PACRG: variants seen among roughly 807,000 people sequenced by gnomAD.
PACRG encodes parkin coregulated gene protein.
A neutral mutation model predicts 29.7 loss-of-function variants in PACRG; 29 were observed. The observed-to-expected ratio is 0.98, with a 90% CI of 0.73 to 1.33. The LOEUF (loss-of-function observed/expected upper bound fraction) is 1.33. PACRG is among the 40% of genes most tolerant of loss of function. The pLI, the probability that PACRG is intolerant of heterozygous loss-of-function variation, is 0.00. For missense variants in PACRG, 279 were observed against 316.2 expected (o/e 0.88, Z 0.89); for synonymous variants, 116 against 118.7 (o/e 0.98, Z 0.15).
chr6:163,056,741 C>T (rs528316605), intron 2 of PACRG, among the ~76,000 whole-genome samples: 1 of 152,226 alleles, frequency 6.6e-6, no homozygotes, highest in African/African-American at 2.4e-5. Context: ...GAGGCATTCC[C>T]GGAACTGAGG....
chr6:162,968,392 G>T (rs1801229459), intron 2 of PACRG, among the ~76,000 whole-genome samples: 1 of 152,172 alleles, frequency 6.6e-6, no homozygotes, highest in Non-Finnish European at 1.5e-5. Flanking sequence ...AAAAAAATCT[G>T]TATCTGTCTT....
At chr6:162,917,778 C>CCT (rs1161021436) in intron 2 of PACRG, among the ~76,000 whole-genome samples, 3 of 152,010 alleles carry the variant, frequency 2.0e-5, no homozygotes, top group Non-Finnish European at 4.4e-5. Flanking sequence ...TTTGGCCTAA[C>CCT]CTCTCTCTCT....
chr6:162,930,113 A>G (rs913363157), intron 2 of PACRG, among the ~76,000 whole-genome samples: 1 of 151,956 alleles, frequency 6.6e-6, no homozygotes, highest in African/African-American at 2.4e-5. Flanking sequence ...AGGATTTAAA[A>G]AAATATATAT....
At chr6:162,923,489 T>C (rs1797211307) in intron 2 of PACRG, among the ~76,000 whole-genome samples, 1 of 152,120 alleles carries the variant, frequency 6.6e-6, no homozygotes, top group Non-Finnish European at 1.5e-5. Context: ...ATAGTTTCAG[T>C]TTTTACATTT....
chr6:163,153,681 A>T (rs1199074799), intron 4 of PACRG, among the ~76,000 whole-genome samples: 1 of 152,254 alleles, frequency 6.6e-6, no homozygotes, highest in African/African-American at 2.4e-5. Flanking sequence ...ATCAATGCAA[A>T]GTAGTGTCTT....
intron 2 of PACRG, among the ~76,000 whole-genome samples, chr6:162,829,697 T>C (rs1788582768): frequency 6.6e-6 from 1 of 152,144 alleles, no homozygotes; most frequent in African/African-American, 2.4e-5. Flanking sequence ...ATATGTTGCC[T>C]TTTCTCTTCA....
At chr6:163,179,875 A>G (rs895424005) in intron 4 of PACRG, among the ~76,000 whole-genome samples, 32 of 152,170 alleles carry the variant, frequency 2.1e-4, no homozygotes, top group African/African-American at 7.5e-4. Flanking sequence ...CTCGCAGACC[A>G]GACCAGCAAG....
At position 163,282,937 on chromosome 6, in the gene PACRG, G is replaced by T. The variant is rs150083919; in HGVS notation, c.614-31890G>T. On this transcript the variant is annotated intron_variant, in intron 4 of 4. Coordinates refer to ENST00000366888, the MANE Select transcript of PACRG (RefSeq NM_001080379.2). ...CATTGCTACAATGACCTGCCACTGG[G>T]GCAAATTTTGTGTAAACATGTAAAT... Among the ~76,000 whole-genome samples the T allele has an allele frequency of 1.9e-3, 288 of 152,200 alleles. 1 individual carries two copies. Among genetic ancestry groups the T allele is most frequent in the African/African-American group, 6.7e-3 (279 of 41,532 alleles).
At chr6:162,836,038 T>C (rs955757159) in intron 2 of PACRG, among the ~76,000 whole-genome samples, 3 of 152,200 alleles carry the variant, frequency 2.0e-5, no homozygotes, top group Non-Finnish European at 4.4e-5. Flanking sequence ...TATTAAATAC[T>C]TTCCTGTCCT....
At chr6:162,949,334 A>G (rs1262568124) in intron 2 of PACRG, among the ~76,000 whole-genome samples, 4 of 152,204 alleles carry the variant, frequency 2.6e-5, no homozygotes, top group African/African-American at 9.6e-5. Context: ...GTAGAATTAT[A>G]GATACCAGAG....
At chr6:162,784,734 A>G (rs186644880) in intron 1 of PACRG, among the ~76,000 whole-genome samples, 74 of 152,274 alleles carry the variant, frequency 4.9e-4, no homozygotes, top group African/African-American at 1.8e-3. Context: ...GTCAACTGTG[A>G]CAATTCGGAA....
At chr6:163,217,592 G>T (rs568934286) in intron 4 of PACRG, among the ~76,000 whole-genome samples, 1 of 152,326 alleles carries the variant, frequency 6.6e-6, no homozygotes, top group East Asian at 1.9e-4. Flanking sequence ...GGAAGCAGCT[G>T]CACAGCAGGA....
chr6:163,006,749 T>G (rs1805156830), intron 2 of PACRG, among the ~76,000 whole-genome samples: 1 of 152,034 alleles, frequency 6.6e-6, no homozygotes, highest in Non-Finnish European at 1.5e-5. Flanking sequence ...TGACATTAAT[T>G]TAGCCATTCC....
chr6:163,019,824 AT>A (rs1370591642), intron 2 of PACRG, among the ~76,000 whole-genome samples: 3 of 152,206 alleles, frequency 2.0e-5, no homozygotes, highest in Non-Finnish European at 4.4e-5. Flanking sequence ...ATTTGGAGAG[AT>A]TAAAAAGCAA....
chr6:162,775,896 A>G (rs1783604175), intron 1 of PACRG, among the ~76,000 whole-genome samples: 1 of 152,212 alleles, frequency 6.6e-6, no homozygotes, highest in South Asian at 2.1e-4. Context: ...TAGGGCTTAT[A>G]TAAAGTTAGT....
intron 2 of PACRG, among the ~76,000 whole-genome samples, chr6:162,824,213 A>G (rs1788084679): frequency 6.6e-6 from 1 of 152,144 alleles, no homozygotes; most frequent in Non-Finnish European, 1.5e-5. Context: ...GGAAGTGGAT[A>G]GTGCTTTGTC....
rs116056780 is a variant in PACRG at position 162,950,971 on chromosome 6, C to T, written c.292-111179C>T. 7.2e-3 allele frequency among the ~76,000 whole-genome samples: 1,098 copies of T among 152,202 alleles called. 25 individuals are homozygous for T. The highest frequency in any genetic ancestry group is 0.025 in the African/African-American group (1,046 of 41,528). ...ATTAATATAAAAAATTTAAAACAGA[C>T]GGAGTGTTTAATTTGTCTCTGAATA... On this transcript the variant is annotated intron_variant, in intron 2 of 4. Coordinates refer to ENST00000366888, the MANE Select transcript of PACRG (RefSeq NM_001080379.2).
intron 2 of PACRG, among the ~76,000 whole-genome samples, chr6:162,950,369 G>A (rs753351551): frequency 6.6e-6 from 1 of 152,094 alleles, no homozygotes; most frequent in African/African-American, 2.4e-5. Context: ...TTAGCCGGGC[G>A]TGGTGGCGAG....
chr6:163,119,830 A>G lies in PACRG; in HGVS notation c.613+30422A>G, dbSNP rs144480740. On this transcript the variant is annotated intron_variant, in intron 4 of 4. Transcript: ENST00000366888. ...TCTTAATTTCAACATCATTTTATGTATTTTTGTTGTTGTTGTTGTTGGTTT... is the reference window on the plus strand; with the variant it reads ...TCTTAATTTCAACATCATTTTATGTGTTTTTGTTGTTGTTGTTGTTGGTTT... Among the ~76,000 whole-genome samples, 170 of 152,154 alleles carry G rather than the reference A, an allele frequency of 1.1e-3. 1 individual carries two copies. The highest frequency in any genetic ancestry group is 6.8e-3 in the Middle Eastern group (2 of 294).
Sources: gnomAD v4.1 joint callset for allele counts (sites outside exome capture counted in the v4.1 genomes callset) on GRCh38, gnomAD v4.1.1 for gene constraint, MANE v1.5 for transcripts, NCBI Gene and HGNC (gene_info 2026-07-23, HGNC 2026-07-21) for gene names.